Variants in EMC1 observed in about 807,000 individuals in gnomAD.
The protein encoded by EMC1 is KIAA0090.
A neutral mutation model predicts 128.8 loss-of-function variants in EMC1; 103 were observed. The ratio of observed to expected loss-of-function variants is 0.80; its 90% CI spans 0.68 to 0.94. The LOEUF is 0.94. Among genes scored for constraint, EMC1 ranks in the 40% least tolerant of loss-of-function variants. EMC1 has a pLI of 0.00. For synonymous variants in EMC1, 442 were observed against 490.4 expected, an observed-to-expected ratio of 0.90 and a Z score of 1.30; for missense variants, 1,083 against 1,250.6, an observed-to-expected ratio of 0.87 and a Z score of 2.02.
chr1:19,235,528 C>CT (rs2093556349), intron 12 of EMC1, among the ~76,000 whole-genome samples: 4 of 152,046 alleles, frequency 2.6e-5, no homozygotes, highest in Non-Finnish European at 4.4e-5. Context: ...TGGTGAAACC[C>CT]CTCTCTACTA....
In EMC1 at chr1:19,227,461, G is replaced by T; in HGVS notation, c.2065-11C>A. ...CTCAGTGGTGAGATCCTAGGGCAGG[G>T]GCAAAAAAGCCTGTAATCAGGAGGG... On this transcript the variant is annotated splice_polypyrimidine_tract_variant and intron_variant, in intron 17 of 22. Transcript: ENST00000477853. 6.2e-7 allele frequency: 1 copy of T among 1,612,866 alleles called. No homozygotes were observed.
chr1:19,237,924 T>G (rs2093578050), intron 11 of EMC1, 93 bp downstream of exon 11: 1 of 1,491,646 alleles, frequency 6.7e-7, no homozygotes, highest in East Asian at 2.4e-5. Flanking sequence ...GAGAGCCTAA[T>G]CCAAGCCCCA....
rs2093588772 is a variant in EMC1, at chr1:19,239,264, C to T, written c.993G>A (p.Thr331=). The change falls in exon 9 of 23, where the codon ACG becomes ACA. Residue 331 remains threonine, a synonymous_variant. Coordinates refer to ENST00000477853, the MANE Select transcript of EMC1 (RefSeq NM_015047.3). ...TCCGACAGGCCATGACTGCAGCCAC[C>T]GTCTTCTCCCCAGTGGTGGCAAAGC... ...LVSFATTGEK[T]VAAVMACRNE... is the part of the protein sequence containing the mutation. The T allele has an allele frequency of 4.3e-6, 7 of 1,614,008 alleles. No homozygotes were observed. The highest frequency in any genetic ancestry group is 2.2e-5 in the East Asian group (1 of 44,894).
In EMC1 at chr1:19,242,229, A is replaced by T. The variant is rs2093610233; in HGVS notation, c.509+116T>A. 3 of 1,116,466 alleles carry T rather than the reference A, an allele frequency of 2.7e-6. No individual in the cohort carries two copies. The Admixed American group carries it at 6.3e-5, about 23-fold the overall frequency. The allele number at this position is 1,116,466 out of a possible 1,614,324, so 69.2% of individuals were successfully genotyped here. ...ATTCTGAGTGCAACACACTCCATGG[A>T]ACACCAACAAGAGACAGGCCTGGGT... On this transcript the variant is annotated intron_variant, in intron 5 of 22. Transcript: ENST00000477853.
chr1:19,242,572 A>T, intron 4 of EMC1, 99 bp from the exon 5 acceptor site: 1 of 1,365,424 alleles, frequency 7.3e-7, no homozygotes, highest in Non-Finnish European at 1.0e-6. Context: ...GTGGGTAAGA[A>T]AACAGGCTTT....
At chr1:19,226,578 A>T (rs1558095284) in intron 18 of EMC1, among the ~76,000 whole-genome samples, 1 of 152,148 alleles carries the variant, frequency 6.6e-6, no homozygotes, top group Non-Finnish European at 1.5e-5. Flanking sequence ...GTTTGGAGAC[A>T]GGGTCTCACT....
intron 21 of EMC1, chr1:19,220,519 A>G: frequency 3.1e-6 from 1 of 323,502 alleles, no homozygotes; most frequent in East Asian, 4.9e-5. Context: ...TTCCTGTTTT[A>G]CTCTGCTTAG....
At chr1:19,236,969 A>G (rs1040708283) in intron 12 of EMC1, among the ~76,000 whole-genome samples, 173 bp downstream of exon 12, 4 of 68,544 alleles carry the variant, frequency 5.8e-5, no homozygotes, top group Non-Finnish European at 6.2e-5. Flanking sequence ...CTCTATCTCA[A>G]AAAAAAAAAA....
At chr1:19,251,377 AG>A in intron 1 of EMC1, 37 bp downstream of exon 1, 2 of 1,571,994 alleles carry the variant, frequency 1.3e-6, no homozygotes, top group Non-Finnish European at 1.8e-6. Flanking sequence ...CTGGGGAAAC[AG>A]CCACTTATCT....
In EMC1 at chr1:19,241,094, C is replaced by T. The variant is rs757822049; in HGVS notation, c.558G>A (p.Val186=). The T allele has an allele frequency of 6.2e-7, 1 of 1,614,188 alleles. No homozygotes were observed. The highest frequency in any genetic ancestry group is 8.5e-7 in the Non-Finnish European group (1 of 1,180,028). ...QMVYSYGSGV[V]WALGVVPFSH... ...TGAAGGGAACAACTCCGAGGGCCCA[C>T]ACCACCCCAGAGCCGTAAGAATACA... Residue 186 remains valine, a synonymous_variant, in exon 6 of 23, where the codon GTG becomes GTA. Coordinates refer to ENST00000477853, the MANE Select transcript of EMC1 (RefSeq NM_015047.3).
At chr1:19,233,880 T>C (rs1391187394) in intron 13 of EMC1, among the ~76,000 whole-genome samples, 3 of 152,218 alleles carry the variant, frequency 2.0e-5, no homozygotes, top group African/African-American at 7.2e-5. Flanking sequence ...TGTAACCCAC[T>C]GGACTGTTCC....
intron 15 of EMC1, among the ~76,000 whole-genome samples, chr1:19,231,865 C>T (rs866810338): frequency 2.6e-5 from 4 of 152,130 alleles, no homozygotes; most frequent in Non-Finnish European, 2.9e-5. Context: ...TCAAGCAATC[C>T]GCCCTCCTTG....
chr1:19,219,921 T>C, intron 21 of EMC1: 1 of 534,986 alleles, frequency 1.9e-6, no homozygotes, highest in Non-Finnish European at 3.3e-6. Context: ...GATTCCTACT[T>C]TGTTCTAAAT....
At chr1:19,233,237 T>A (rs1037137526) in intron 13 of EMC1, 102 bp from the exon 14 acceptor site, 39 of 996,666 alleles carry the variant, frequency 3.9e-5, no homozygotes, top group Non-Finnish European at 5.7e-5. Context: ...TCTGGAGCAA[T>A]AAAGTCCACA....
chr1:19,243,932 C>G lies in EMC1; in HGVS notation c.286+18G>C, dbSNP rs2294944. Reference sequence around the variant, plus strand: ...GGGAGCTGGCCGCACAATGGAGACACGGGAGGACTCTGCTTACCCTGTCCG... The same window carrying G: ...GGGAGCTGGCCGCACAATGGAGACAGGGGAGGACTCTGCTTACCCTGTCCG... On this transcript the variant is annotated intron_variant, in intron 3 of 22. Transcript: ENST00000477853. 0.12 allele frequency: 191,562 copies of G among 1,612,644 alleles called. 12,095 individuals carry two copies. Among genetic ancestry groups the G allele is most frequent in the African/African-American group, 0.21 (15,485 of 74,914 alleles).
rs774889390 is a variant in EMC1 at position 19,222,619 on chromosome 1, C to T, written c.2587+5G>A. The T allele has an allele frequency of 6.2e-7, 1 of 1,613,148 alleles. No individual in the cohort carries two copies. The highest frequency in any genetic ancestry group is 1.1e-5 in the South Asian group (1 of 91,028). ...AGCCATCCCAGAGGCTCCCCAGTCA[C>T]TCACTCAGCAGGTGTCGGCTGGTGA... On this transcript the variant is annotated splice_donor_5th_base_variant and intron_variant, in intron 20 of 22. Transcript: ENST00000477853.
intron 2 of EMC1, 100 bp from the exon 3 acceptor site, chr1:19,244,115 A>G (rs1028911780): frequency 2.6e-6 from 3 of 1,162,208 alleles, no homozygotes; most frequent in African/African-American, 3.1e-5. Context: ...GCAATGTCCA[A>G]TTTTATCTCG....
At position 19,227,172 on chromosome 1, in the gene EMC1, C is replaced by G. The variant is rs2093481449; in HGVS notation, c.2202+141G>C. The G allele has an allele frequency of 3.3e-6, 3 of 910,614 alleles. No individual in the cohort carries two copies. In the South Asian group the frequency reaches 5.1e-5, roughly 15 times the overall value. 56.4% of individuals were successfully genotyped at this position (910,614 alleles called of 1,614,324 possible). ...GGAGGAGGGTATATTATCCCCATTT[C>G]ACAAACAAAAATTAAGGCTCAAAGG... On this transcript the variant is annotated intron_variant, in intron 18 of 22. Transcript: ENST00000477853.
intron 1 of EMC1, 83 bp downstream of exon 1, chr1:19,251,332 T>C (rs2093658217): frequency 7.7e-7 from 1 of 1,299,972 alleles, no homozygotes; most frequent in Non-Finnish European, 1.1e-6. Context: ...GCCAATCCTG[T>C]TAAGTGACAA....
Sources: gnomAD v4.1 joint callset for allele counts (sites outside exome capture counted in the v4.1 genomes callset) on GRCh38, gnomAD v4.1.1 for gene constraint, MANE v1.5 for transcripts, NCBI Gene and HGNC (gene_info 2026-07-23, HGNC 2026-07-21) for gene names.